Variants in UBN1 observed in about 807,000 individuals in gnomAD.
UBN1 encodes ubinuclein-1.
UBN1 carries 17 observed loss-of-function variants against 108.5 expected under a neutral mutation model. The observed-to-expected ratio is 0.16, with a 90% CI of 0.11 to 0.24. The LOEUF (loss-of-function observed/expected upper bound fraction) is 0.24, where lower values mean the gene tolerates loss of function less well. Among genes scored for constraint, UBN1 ranks in the 10% least tolerant of loss-of-function variants. The pLI, the probability that UBN1 is intolerant of heterozygous loss-of-function variation, is 1.00. For missense variants in UBN1, 1,595 were observed against 1,394.4 expected, an observed-to-expected ratio of 1.14 and a Z score of -2.29; for synonymous variants, 726 against 564.2, an observed-to-expected ratio of 1.29 and a Z score of -4.07.
rs1432583857 is a variant in UBN1, at chr16:4,877,402, C to G, written c.3283C>G (p.His1095Asp). The change falls in exon 17 of 18, where the codon CAC becomes GAC. Residue 1095 changes from histidine to aspartate, a missense_variant. Transcript: ENST00000262376. This position sits in a 1 kb window ranked among gnomAD's most constrained non-coding sequence, Gnocchi z 4.3. ...GLGHSLLAGL[H>D]SSPPHAAPLP... ...TCTCTCAGGTCTTCTGGCTGGCTTG[C>G]ACTCCAGCCCGCCCCATGCAGCGCC... 1.9e-6 allele frequency: 3 copies of G among 1,611,656 alleles called. No individual in the cohort carries two copies. The highest frequency in any genetic ancestry group is 2.5e-6 in the Non-Finnish European group (3 of 1,178,816).
chr16:4,876,872 AAGG>A lies in UBN1; in HGVS notation c.3029_3031del (p.Gly1010del). The stretch of plus-strand genomic sequence containing the variant: ...CCGCTTGCTGTGTTTCTTCCCTAGA[AAGG>A]AGCGAGTGGGACTGTGCTGCTGGCC... On this transcript the variant is annotated inframe_deletion and splice_region_variant, in exon 16 of 18. Transcript: ENST00000262376. The A allele has an allele frequency of 6.3e-7, 1 of 1,583,804 alleles. No homozygotes were observed. The highest frequency in any genetic ancestry group is 8.6e-7 in the Non-Finnish European group (1 of 1,164,442).
rs1367198177 is a variant in UBN1, at chr16:4,870,920, G to A, written c.1507G>A (p.Gly503Ser). Residue 503 changes from glycine (G) to serine (S), a missense_variant, in exon 11 of 18, where the codon GGC becomes AGC. Around this residue, in one of 3 missense-constraint regions of UBN1, gnomAD observed 1,398 missense variants for 1,194.7 expected, o/e 1.17. Transcript: ENST00000262376. ...TGAGGAAGAAGATGAAGAAAAAGGG[G>A]GCAGGAGGATAATGGGACCTCGGAA... Reference protein sequence around the residue: ...SDEEEDEEKGGRRIMGPRKKF... With the variant: ...SDEEEDEEKGSRRIMGPRKKF... 1 of 1,614,096 alleles carries A rather than the reference G, an allele frequency of 6.2e-7. No individual in the cohort carries two copies. The highest frequency in any genetic ancestry group is 1.7e-5 in the Admixed American group (1 of 60,024).
At position 4,849,630 on chromosome 16, in the gene UBN1, C is replaced by T. The variant is rs150622771; in HGVS notation, c.-40+1420C>T. Among the ~76,000 whole-genome samples the T allele has an allele frequency of 9.1e-3, 1,372 of 151,234 alleles. 18 individuals are homozygous for T. The highest frequency in any genetic ancestry group is 0.023 in the African/African-American group (937 of 40,932). ...GTTTGAGACGGAGTTTCACTCTTGT[C>T]GCCCAGGCTGGAGTGCAGTGGCAGG... On this transcript the variant is annotated intron_variant, in intron 1 of 17. Transcript: ENST00000262376.
intron 12 of UBN1, among the ~76,000 whole-genome samples, chr16:4,871,644 T>C (rs971204645): frequency 7.0e-6 from 1 of 142,212 alleles, no homozygotes; most frequent in Non-Finnish European, 1.5e-5. Context: ...TGGAGTGCAG[T>C]GGTATGATCT....
In UBN1 at chr16:4,859,089, C is replaced by G; in HGVS notation, c.497C>G (p.Thr166Ser). The part of the protein sequence containing the change: ...KYGGFYINSG[T>S]LQFRQASESE... ...GGAGGATTTTACATTAACTCGGGAA[C>G]CCTGCAGTTTAGACAAGCATCAGAG... Residue 166 changes from threonine to serine, a missense_variant, in exon 5 of 18, where the codon ACC becomes AGC. Around this residue, in one of 3 missense-constraint regions of UBN1, gnomAD observed 1,398 missense variants for 1,194.7 expected, o/e 1.17. Transcript: ENST00000262376. 1 of 1,614,172 alleles carries G rather than the reference C, an allele frequency of 6.2e-7. No homozygotes were observed. The highest frequency in any genetic ancestry group is 8.5e-7 in the Non-Finnish European group (1 of 1,180,036).
intron 1 of UBN1, among the ~76,000 whole-genome samples, chr16:4,851,635 A>G (rs1464153059): frequency 1.3e-5 from 2 of 152,160 alleles, no homozygotes; most frequent in Non-Finnish European, 2.9e-5. Flanking sequence ...CCTGGGCAAC[A>G]TAGTGGGTCA....
chr16:4,866,878 A>G (rs919490383), intron 7 of UBN1, among the ~76,000 whole-genome samples: 16 of 152,340 alleles, frequency 1.1e-4, no homozygotes, highest in African/African-American at 3.8e-4. Flanking sequence ...CAGACAATGG[A>G]CTGTAGTACA....
At chr16:4,878,531 CTG>C (rs1223335483) in intron 17 of UBN1, among the ~76,000 whole-genome samples, 7 of 152,330 alleles carry the variant, frequency 4.6e-5, no homozygotes, top group African/African-American at 7.2e-5. Context: ...ACAATGGAAA[CTG>C]TGCTTCTTTG....
rs1401301935 is a variant in UBN1, at chr16:4,860,799, T to C, written c.807T>C (p.Val269=). Residue 269 remains valine, a synonymous_variant, in exon 7 of 18, where the codon GTT becomes GTC. Transcript: ENST00000262376. ...AAAGGGAGGAGGAGCATAAGCCTGT[T>C]GCGGTCCCATCAGCGGAAGCTCAGG... ...QKKREEEHKP[V]AVPSAEAQGL... is the part of the protein sequence containing the mutation. 3.1e-6 allele frequency: 5 copies of C among 1,614,160 alleles called. No homozygotes were observed. Among genetic ancestry groups the C allele is most frequent in the Non-Finnish European group, 4.2e-6 (5 of 1,180,052 alleles).
At chr16:4,872,804 A>G (rs924803785) in intron 12 of UBN1, 80 bp from the exon 13 acceptor site, 3 of 1,518,594 alleles carry the variant, frequency 2.0e-6, no homozygotes, top group East Asian at 2.3e-5. Flanking sequence ...ACTGAGGACC[A>G]GGGACACTAG....
intron 5 of UBN1, 95 bp downstream of exon 5, chr16:4,859,254 G>A (rs536911802): frequency 1.0e-4 from 156 of 1,509,190 alleles, no homozygotes; most frequent in South Asian, 8.3e-4. Context: ...GCGCTTGGCC[G>A]GCTCAGGAGG....
At chr16:4,879,647 CCTTT>C (rs1356831025) in intron 17 of UBN1, among the ~76,000 whole-genome samples, 3 of 152,198 alleles carry the variant, frequency 2.0e-5, no homozygotes, top group Non-Finnish European at 2.9e-5. Flanking sequence ...GCGTTGCTTT[CCTTT>C]CTTTCTTCTG....
chr16:4,874,673 C>G lies in UBN1; in HGVS notation c.2263C>G (p.Pro755Ala), dbSNP rs138404145. ...ALGQSSQEKK[P>A]ESSGYKELSC... ...GGGGCAGTCCTCTCAGGAGAAAAAA[C>G]CAGAGAGTTCTGGCTACAAAGAGCT... Residue 755 changes from proline (P) to alanine (A), a missense_variant, in exon 15 of 18, where the codon CCA becomes GCA. Around this residue, in one of 3 missense-constraint regions of UBN1, gnomAD observed 1,398 missense variants for 1,194.7 expected, o/e 1.17. Coordinates refer to ENST00000262376, the MANE Select transcript of UBN1 (RefSeq NM_001079514.3). 4 of 1,614,214 alleles carry G rather than the reference C, an allele frequency of 2.5e-6. No homozygotes were observed. The highest frequency in any genetic ancestry group is 2.5e-6 in the Non-Finnish European group (3 of 1,180,044).
chr16:4,860,106 C>G, intron 6 of UBN1, 138 bp downstream of exon 6: 2 of 1,025,046 alleles, frequency 2.0e-6, no homozygotes, highest in Non-Finnish European at 2.8e-6. Flanking sequence ...ACGCCTCCCG[C>G]AGTGCCATTC....
At chr16:4,863,618 C>G (rs1192334507) in intron 7 of UBN1, among the ~76,000 whole-genome samples, 1 of 151,882 alleles carries the variant, frequency 6.6e-6, no homozygotes, top group African/African-American at 2.4e-5. Flanking sequence ...CTAATTTTCC[C>G]CCCCTTTTCC....
At chr16:4,879,553 TC>T (rs2088017714) in intron 17 of UBN1, among the ~76,000 whole-genome samples, 1 of 152,222 alleles carries the variant, frequency 6.6e-6, no homozygotes. Context: ...TTCTCTCACT[TC>T]CTTAGATGGA....
At position 4,847,483 on chromosome 16, in the gene UBN1, C is replaced by T. The variant is rs1247099950; in HGVS notation, c.-767C>T. On this transcript the variant is annotated 5_prime_UTR_variant, in exon 1 of 18. Coordinates refer to ENST00000262376, the MANE Select transcript of UBN1 (RefSeq NM_001079514.3). The stretch of plus-strand genomic sequence containing the variant: ...CGCGCCGGAGCGCAGAGACTCCCGG[C>T]TCCTTCCCCCTCCCTTCGGCTCGTG... The T allele has an allele frequency of 4.4e-5, 26 of 586,392 alleles. No homozygotes were observed. Among genetic ancestry groups the T allele is most frequent in the South Asian group, 3.4e-4 (15 of 44,416 alleles). The allele number at this position is 586,392 out of a possible 1,614,324, so 36.3% of individuals were successfully genotyped here.
chr16:4,869,690 G>C (rs987967099), intron 8 of UBN1, among the ~76,000 whole-genome samples: 7 of 152,238 alleles, frequency 4.6e-5, no homozygotes, highest in African/African-American at 1.7e-4. Context: ...CGATAGGATT[G>C]TGTCAACAAG....
At chr16:4,864,698 C>T (rs2087237062) in intron 7 of UBN1, among the ~76,000 whole-genome samples, 1 of 152,094 alleles carries the variant, frequency 6.6e-6, no homozygotes, top group Non-Finnish European at 1.5e-5. Context: ...GGACAAATAA[C>T]CCAGATCTAT....
Sources: gnomAD v4.1 joint callset for allele counts (sites outside exome capture counted in the v4.1 genomes callset) on GRCh38, gnomAD v4.1.1 for gene constraint, gnomAD v4.1.1 regional missense constraint, Gnocchi (gnomAD v3.1) non-coding constraint, MANE v1.5 for transcripts, NCBI Gene and HGNC (gene_info 2026-07-23, HGNC 2026-07-21) for gene names.